Variants in ITPKC observed in about 807,000 individuals in gnomAD.
The protein encoded by ITPKC is IP3 3-kinase C.
A neutral mutation model predicts 67.1 loss-of-function variants in ITPKC; 33 were observed. The observed-to-expected ratio is 0.49, with a 90% confidence interval of 0.37 to 0.66. The LOEUF (loss-of-function observed/expected upper bound fraction) is 0.66, where lower values mean the gene tolerates loss of function less well. ITPKC is among the 30% of genes least tolerant of loss of function. The pLI is 0.00. For synonymous variants in ITPKC, 341 were observed against 359.8 expected, an observed-to-expected ratio of 0.95 and a Z score of 0.59; for missense variants, 820 against 892.1, an observed-to-expected ratio of 0.92 and a Z score of 1.03.
rs1172716341 is a variant in ITPKC at position 40,739,605 on chromosome 19, T to C, written c.*45T>C. 1 of 1,555,168 alleles carries C rather than the reference T, an allele frequency of 6.4e-7. No homozygotes were observed. Among genetic ancestry groups the C allele is most frequent in the Non-Finnish European group, 8.8e-7 (1 of 1,141,876 alleles). ...GTTAATTGGATGGCGCCAGTCTGGC[T>C]GGAGGAGCCCTGAGATGCCATGGGA... On this transcript the variant is annotated 3_prime_UTR_variant, in exon 7 of 7. Coordinates refer to ENST00000263370, the MANE Select transcript of ITPKC (RefSeq NM_025194.3).
chr19:40,729,849 T>C (rs982908426), intron 3 of ITPKC, among the ~76,000 whole-genome samples: 1 of 152,190 alleles, frequency 6.6e-6, no homozygotes, highest in African/African-American at 2.4e-5. Context: ...CCCACCACCA[T>C]GTATGAGTGT....
rs568261114 is a variant in ITPKC, at chr19:40,727,377, C to A, written c.1256-1825C>A. Among the ~76,000 whole-genome samples, 44 of 151,448 alleles carry A rather than the reference C, an allele frequency of 2.9e-4. No homozygotes were observed. The South Asian group carries it at 9.2e-3, about 32-fold the overall frequency. The stretch of plus-strand genomic sequence containing the variant: ...AAAATAAAATAAAATAAATACAAAA[C>A]AAAACCCAAAAACCCCAAGACTTAG... On this transcript the variant is annotated intron_variant, in intron 2 of 6. Transcript: ENST00000263370.
Position 40,717,776 on chromosome 19 carries a change from C to T in ITPKC, c.641C>T (p.Ser214Leu), listed in dbSNP as rs748111839. 2 of 1,613,926 alleles carry T rather than the reference C, an allele frequency of 1.2e-6. No individual in the cohort carries two copies. The highest frequency in any genetic ancestry group is 1.7e-6 in the Non-Finnish European group (2 of 1,179,942). The change falls in exon 1 of 7, where the codon TCA becomes TTA. Residue 214 changes from serine (S) to leucine (L), a missense_variant. Around this residue, in one of 2 missense-constraint regions of ITPKC, gnomAD observed 481 missense variants for 470.1 expected, o/e 1.02. Transcript: ENST00000263370. ...LQTHPEGACP[S>L]KEPSADGSWK... Reference sequence around the variant, plus strand: ...ACTCACCCAGAAGGAGCCTGTCCCTCAAAAGAGCCAAGTGCTGATGGCTCC... The same window carrying T: ...ACTCACCCAGAAGGAGCCTGTCCCTTAAAAGAGCCAAGTGCTGATGGCTCC...
chr19:40,717,916 C>G lies in ITPKC; in HGVS notation c.781C>G (p.Gln261Glu). The change falls in exon 1 of 7, where the codon CAG becomes GAG. Residue 261 changes from glutamine (Q) to glutamate (E), a missense_variant. By Grantham distance (29) the Gln-to-Glu change is conservative. Coordinates refer to ENST00000263370, the MANE Select transcript of ITPKC (RefSeq NM_025194.3). ...KKQDTEAARK[Q>E]PGTGGFQIQQ... ...ACAGGATACTGAAGCAGCCAGGAAACAGCCTGGCACTGGTGGTTTCCAAAT... is the reference window on the plus strand; with the variant it reads ...ACAGGATACTGAAGCAGCCAGGAAAGAGCCTGGCACTGGTGGTTTCCAAAT... 6.2e-7 allele frequency: 1 copy of G among 1,614,192 alleles called. No individual in the cohort carries two copies.
chr19:40,717,478 C>A lies in ITPKC; in HGVS notation c.343C>A (p.Pro115Thr). Reference protein sequence around the residue: ...ETERPKQKTEPDRSSLRTHLE... With the variant: ...ETERPKQKTETDRSSLRTHLE... ...CGAGAGGCCCAAGCAAAAGACGGAG[C>A]CAGACAGGTCCAGCCTCCGGACGCA... The change falls in exon 1 of 7, where the codon CCA becomes ACA. Residue 115 changes from proline to threonine, a missense_variant. Physicochemically the swap from Pro to Thr is conservative, Grantham distance 38. Around this residue, in one of 2 missense-constraint regions of ITPKC, gnomAD observed 481 missense variants for 470.1 expected, o/e 1.02. Transcript: ENST00000263370. 3.1e-6 allele frequency: 5 copies of A among 1,614,096 alleles called. No homozygotes were observed. Among genetic ancestry groups the A allele is most frequent in the Non-Finnish European group, 4.2e-6 (5 of 1,179,998 alleles).
intron 3 of ITPKC, among the ~76,000 whole-genome samples, chr19:40,730,932 T>C (rs2082267846): frequency 6.6e-6 from 1 of 152,164 alleles, no homozygotes; most frequent in Non-Finnish European, 1.5e-5. Context: ...CTGGAAATAG[T>C]GTCAGATCCC....
intron 6 of ITPKC, 138 bp from the exon 7 acceptor site, chr19:40,739,219 A>G: frequency 1.6e-6 from 1 of 627,810 alleles, no homozygotes. Context: ...CACAGACAGG[A>G]GGTGGCACAG....
chr19:40,731,470 TGAAGA>T (rs1231555877), intron 3 of ITPKC, among the ~76,000 whole-genome samples: 1 of 151,934 alleles, frequency 6.6e-6, no homozygotes, highest in Admixed American at 6.6e-5. Context: ...CTGCAAAAGA[TGAAGA>T]GAAGTGTAGG....
At chr19:40,732,017 C>T (rs1380478215) in intron 3 of ITPKC, among the ~76,000 whole-genome samples, 1 of 151,626 alleles carries the variant, frequency 6.6e-6, no homozygotes, top group Non-Finnish European at 1.5e-5. Context: ...GCAGGCAGAT[C>T]ACTTGAGGCC....
At chr19:40,735,698 C>T (rs2082291310) in intron 4 of ITPKC, among the ~76,000 whole-genome samples, 1 of 152,120 alleles carries the variant, frequency 6.6e-6, no homozygotes, top group Non-Finnish European at 1.5e-5. Flanking sequence ...AGTGTCTGCC[C>T]CCTCATCTGA....
At chr19:40,734,349 G>A (rs1179805213) in intron 4 of ITPKC, among the ~76,000 whole-genome samples, 1 of 151,998 alleles carries the variant, frequency 6.6e-6, no homozygotes, top group Admixed American at 6.6e-5. Flanking sequence ...TTGCAAGTAT[G>A]CAGATTGAGC....
chr19:40,731,138 C>G (rs2144747125), intron 3 of ITPKC, among the ~76,000 whole-genome samples: 1 of 152,264 alleles, frequency 6.6e-6, no homozygotes, highest in South Asian at 2.1e-4. Flanking sequence ...TAATATAAAG[C>G]AGGGGTCCCC....
intron 3 of ITPKC, among the ~76,000 whole-genome samples, chr19:40,730,137 A>G (rs562197457): frequency 1.6e-4 from 24 of 152,224 alleles, no homozygotes; most frequent in African/African-American, 5.8e-4. Flanking sequence ...GGGTTTCACC[A>G]TGTTGGCCAG....
At chr19:40,733,543 C>T (rs1225715883) in intron 4 of ITPKC, among the ~76,000 whole-genome samples, 179 bp downstream of exon 4, 5 of 152,098 alleles carry the variant, frequency 3.3e-5, no homozygotes, top group South Asian at 2.1e-4. Flanking sequence ...TCTGTTTATC[C>T]GTCTGCCTGA....
rs775024465 is a variant in ITPKC at position 40,739,500 on chromosome 19, C to T, written c.1992C>T (p.Asp664=). 26 of 1,613,544 alleles carry T rather than the reference C, an allele frequency of 1.6e-5. No homozygotes were observed. Among genetic ancestry groups the T allele is most frequent in the Admixed American group, 5.0e-5 (3 of 59,996 alleles). The change falls in exon 7 of 7, where the codon GAC becomes GAT. Residue 664 remains aspartate, a synonymous_variant. Coordinates refer to ENST00000263370, the MANE Select transcript of ITPKC (RefSeq NM_025194.3). ...RLPWAEGNRE[D]GYLWGLDNMI... Reference sequence around the variant, plus strand: ...CCTGGGCTGAGGGCAACCGTGAGGACGGCTACCTCTGGGGCCTGGACAACA... The same window carrying T: ...CCTGGGCTGAGGGCAACCGTGAGGATGGCTACCTCTGGGGCCTGGACAACA...
intron 3 of ITPKC, among the ~76,000 whole-genome samples, chr19:40,731,778 A>G (rs2082272454): frequency 6.6e-6 from 1 of 151,774 alleles, no homozygotes; most frequent in African/African-American, 2.4e-5. Flanking sequence ...TCCTTCCCCC[A>G]GAGTATAGGG....
intron 1 of ITPKC, among the ~76,000 whole-genome samples, chr19:40,721,663 C>G (rs2082223167): frequency 6.6e-6 from 1 of 151,930 alleles, no homozygotes; most frequent in African/African-American, 2.4e-5. Flanking sequence ...GCCACTGTGC[C>G]CGGCCCGGAT....
chr19:40,727,839 T>C lies in ITPKC; in HGVS notation c.1256-1363T>C, dbSNP rs115046761. Among the ~76,000 whole-genome samples the C allele has an allele frequency of 1.4e-3, 214 of 152,316 alleles. 1 individual carries two copies. The highest frequency in any genetic ancestry group is 4.9e-3 in the African/African-American group (204 of 41,568). On this transcript the variant is annotated intron_variant, in intron 2 of 6. Transcript: ENST00000263370. Reference sequence around the variant, plus strand: ...TTTATTTATTCATTTAATTTTGAGATAGGATCTCAGTGTTGCCCAGGCGGG... The same window carrying C: ...TTTATTTATTCATTTAATTTTGAGACAGGATCTCAGTGTTGCCCAGGCGGG...
rs559021082 is a variant in ITPKC, at chr19:40,725,061, A to G, written c.1156-279A>G. Among the ~76,000 whole-genome samples the G allele has an allele frequency of 5.5e-4, 84 of 152,290 alleles. 1 individual carries two copies. The highest frequency in any genetic ancestry group is 5.2e-3 in the Admixed American group (80 of 15,288). On this transcript the variant is annotated intron_variant, in intron 1 of 6. Coordinates refer to ENST00000263370, the MANE Select transcript of ITPKC (RefSeq NM_025194.3). ...GTCCTTACTCATAAGATCCTTACTC[A>G]TAAGAGAAGGACAGAGAGACATAGA...
Sources: allele counts gnomAD v4.1 joint callset (sites outside exome capture counted in the v4.1 genomes callset), GRCh38; gene constraint gnomAD v4.1.1; regional missense constraint gnomAD v4.1.1; transcripts MANE v1.5; gene names NCBI Gene and HGNC (gene_info 2026-07-23, HGNC 2026-07-21).